Variants in FAM184A observed in about 807,000 individuals in gnomAD.
FAM184A encodes the protein protein FAM184A.
Under a neutral mutation model 143.8 loss-of-function variants are expected in FAM184A, and 99 were observed. The observed-to-expected ratio is 0.69, with a 90% CI of 0.58 to 0.81. The LOEUF is 0.81. Ranked by LOEUF, FAM184A falls within the 40% of genes least tolerant of loss-of-function variation. The pLI, the probability that FAM184A is intolerant of heterozygous loss-of-function variation, is 0.00. For synonymous variants in FAM184A, 427 were observed against 446.4 expected (o/e 0.96, Z 0.55); for missense variants, 1,217 against 1,310.5 (o/e 0.93, Z 1.10).
At chr6:118,979,936 GCTA>G (rs1360046514) in intron 10 of FAM184A, among the ~76,000 whole-genome samples, 199 bp downstream of exon 10, 8 of 151,974 alleles carry the variant, frequency 5.3e-5, no homozygotes, top group Non-Finnish European at 1.0e-4. Flanking sequence ...TATAGTCCCA[GCTA>G]TTCAGGAGGC....
intron 1 of FAM184A, among the ~76,000 whole-genome samples, chr6:119,026,784 G>C (rs2114696720): frequency 6.6e-6 from 1 of 152,226 alleles, no homozygotes; most frequent in Admixed American, 6.5e-5. Context: ...GTATTTTATT[G>C]CAAGCCCTGA....
At chr6:118,975,886 A>T in intron 12 of FAM184A, 31 bp downstream of exon 12, 1 of 1,591,328 alleles carries the variant, frequency 6.3e-7, no homozygotes, top group Non-Finnish European at 8.5e-7. Context: ...AAATTTAAGA[A>T]ATCATCAGAG....
chr6:119,128,900 C>T (rs554858419), intron 1 of FAM184A, among the ~76,000 whole-genome samples: 100 of 149,260 alleles, frequency 6.7e-4, no homozygotes, highest in African/African-American at 2.3e-3. Context: ...TTTTTTTTTC[C>T]GGAGAGCCTG....
chr6:119,081,177 T>C (rs1051022781), upstream of FAM184A, among the ~76,000 whole-genome samples: 1 of 152,044 alleles, frequency 6.6e-6, no homozygotes. Context: ...ACATCCTACA[T>C]GGTATCAGGT....
chr6:119,132,831 A>C (rs369440180), intron 1 of FAM184A, among the ~76,000 whole-genome samples: 35 of 152,220 alleles, frequency 2.3e-4, no homozygotes, highest in African/African-American at 7.7e-4. Context: ...GGAATATTAG[A>C]TTTCAATTAA....
At chr6:118,966,626 T>A (rs192017899) in intron 15 of FAM184A, among the ~76,000 whole-genome samples, 1 of 152,152 alleles carries the variant, frequency 6.6e-6, no homozygotes, top group Non-Finnish European at 1.5e-5. Flanking sequence ...TTAAAAAAAA[T>A]GAAAGACGTA....
chr6:118,970,007 TA>T (rs1358312353), intron 14 of FAM184A, among the ~76,000 whole-genome samples: 5 of 35,710 alleles, frequency 1.4e-4, no homozygotes, highest in Admixed American at 3.4e-4. Flanking sequence ...TATATATATA[TA>T]TTTTTTTTTT....
intron 1 of FAM184A, among the ~76,000 whole-genome samples, chr6:119,131,679 C>T (rs1361497933): frequency 6.6e-6 from 1 of 151,978 alleles, no homozygotes; most frequent in African/African-American, 2.4e-5. Context: ...TTTGTAGATA[C>T]TGGGTTATTG....
chr6:119,039,754 G>T (rs1174201361), intron 1 of FAM184A, among the ~76,000 whole-genome samples: 1 of 152,168 alleles, frequency 6.6e-6, no homozygotes, highest in African/African-American at 2.4e-5. Flanking sequence ...CTCTAAAAAT[G>T]ATAATTCAGC....
At chr6:119,009,769 T>C (rs1364175250) in intron 6 of FAM184A, among the ~76,000 whole-genome samples, 1 of 152,192 alleles carries the variant, frequency 6.6e-6, no homozygotes, top group Non-Finnish European at 1.5e-5. Flanking sequence ...TGTCTGTCTG[T>C]CCATAGTAGT....
At chr6:119,099,507 C>G (rs930570648) in intron 1 of FAM184A, among the ~76,000 whole-genome samples, 3 of 152,216 alleles carry the variant, frequency 2.0e-5, no homozygotes, top group Middle Eastern at 3.4e-3. Context: ...AATAAGACCC[C>G]CATTTCAAAA....
At chr6:119,128,022 G>A (rs1789420244) in intron 1 of FAM184A, among the ~76,000 whole-genome samples, 1 of 152,176 alleles carries the variant, frequency 6.6e-6, no homozygotes, top group Admixed American at 6.5e-5. Flanking sequence ...TTCAGGCCAT[G>A]ACTGGAAGGT....
intron 1 of FAM184A, among the ~76,000 whole-genome samples, chr6:119,077,215 G>T (rs892070476): frequency 1.3e-5 from 2 of 152,154 alleles, no homozygotes; most frequent in Admixed American, 1.3e-4. Flanking sequence ...GTCAGACTCA[G>T]AGGCTATCTA....
chr6:119,078,130 GC>G lies in FAM184A; in HGVS notation c.159+10del, dbSNP rs751623500. 1.9e-6 allele frequency: 3 copies of G among 1,579,086 alleles called. No individual in the cohort carries two copies. Among genetic ancestry groups the G allele is most frequent in the Admixed American group, 3.5e-5 (2 of 56,526 alleles). ...CGGGGTCGCCACCTGCCCCGTCGCT[GC>G]CCCCCTTACCTTGGTGAGCTGGGCG... On this transcript the variant is annotated intron_variant, in intron 1 of 17. Coordinates refer to ENST00000338891, the MANE Select transcript of FAM184A (RefSeq NM_024581.6). The surrounding 1 kb of genome is among the most constrained non-coding windows in gnomAD (Gnocchi z 5.5).
intron 1 of FAM184A, among the ~76,000 whole-genome samples, chr6:119,141,494 A>AT (rs1554199562): frequency 5.2e-5 from 7 of 135,216 alleles, no homozygotes; most frequent in Non-Finnish European, 5.1e-5. Context: ...ATTTTATTTT[A>AT]TTTTTTTTGA....
At position 118,966,856 on chromosome 6, in the gene FAM184A, G is replaced by C. The variant is rs763262175; in HGVS notation, c.3012C>G (p.Asp1004Glu). Reference sequence around the variant, plus strand: ...TTACAATTAGTTTCTTTATGATCTGGTCTCTTTCTGTAAGCATGGCTTTTA... The same window carrying C: ...TTACAATTAGTTTCTTTATGATCTGCTCTCTTTCTGTAAGCATGGCTTTTA... ...TELKAMLTER[D>E]QIIKKLIEDN... The change falls in exon 15 of 18, where the codon GAC (aspartate) becomes GAG (glutamate). Residue 1004 changes from aspartate to glutamate, a missense_variant. Asp to Glu is a conservative substitution (Grantham distance 45, BLOSUM62 2). Transcript: ENST00000338891. 14 of 1,580,526 alleles carry C rather than the reference G, an allele frequency of 8.9e-6. No individual in the cohort carries two copies. The highest frequency in any genetic ancestry group is 1.2e-5 in the Non-Finnish European group (14 of 1,153,530).
At chr6:118,991,702 C>T (rs1483808353) in intron 9 of FAM184A, among the ~76,000 whole-genome samples, 1 of 140,714 alleles carries the variant, frequency 7.1e-6, no homozygotes, top group African/African-American at 2.6e-5. Context: ...CAGTGAGAGT[C>T]GGAATAACGG....
chr6:119,029,786 G>A (rs1356699187), intron 1 of FAM184A, among the ~76,000 whole-genome samples: 1 of 152,082 alleles, frequency 6.6e-6, no homozygotes, highest in Non-Finnish European at 1.5e-5. Flanking sequence ...ACAACCTGTA[G>A]GCCAAATATG....
chr6:118,978,109 A>G (rs542286546), intron 11 of FAM184A, among the ~76,000 whole-genome samples: 21 of 152,232 alleles, frequency 1.4e-4, no homozygotes, highest in Non-Finnish European at 2.8e-4. Flanking sequence ...GATTACAGGC[A>G]TGCGCCACCA....
Sources: allele counts gnomAD v4.1 joint callset (sites outside exome capture counted in the v4.1 genomes callset), GRCh38; gene constraint gnomAD v4.1.1; non-coding constraint Gnocchi (gnomAD v3.1); transcripts MANE v1.5; gene names NCBI Gene and HGNC (gene_info 2026-07-23, HGNC 2026-07-21).